The following HACE1 variants were observed in gnomAD, a reference collection of about 807,000 sequenced individuals.
The protein encoded by HACE1 is HECT domain and ankyrin repeat containing E3 ubiquitin protein ligase 1.
Under a neutral mutation model 118.4 loss-of-function variants are expected in HACE1, and 73 were observed. That is an observed-to-expected ratio of 0.62 (90% CI 0.51 to 0.75). HACE1 has a LOEUF of 0.75. Ranked by LOEUF, HACE1 falls within the 30% of genes least tolerant of loss-of-function variation. HACE1 has a pLI of 0.00. For missense variants in HACE1, 749 were observed against 1,102.2 expected, an observed-to-expected ratio of 0.68 and a Z score of 4.54; for synonymous variants, 368 against 374.8, an observed-to-expected ratio of 0.98 and a Z score of 0.21.
intron 1 of HACE1, among the ~76,000 whole-genome samples, chr6:104,854,637 C>T (rs1218427463): frequency 2.0e-5 from 3 of 150,672 alleles, no homozygotes; most frequent in South Asian, 4.2e-4. Flanking sequence ...ATTTTTGAGA[C>T]AATTTTTGAG....
chr6:104,831,991 GA>G (rs1774020438), intron 6 of HACE1, among the ~76,000 whole-genome samples: 1 of 44,080 alleles, frequency 2.3e-5, no homozygotes, highest in Non-Finnish European at 6.4e-5. Context: ...AGGAAGGAAG[GA>G]AGGAAGGAAG....
At chr6:104,838,330 A>G (rs997191673) in intron 5 of HACE1, among the ~76,000 whole-genome samples, 1 of 152,200 alleles carries the variant, frequency 6.6e-6, no homozygotes, top group East Asian at 1.9e-4. Context: ...ATAGTAACCA[A>G]AACAGCATGT....
At chr6:104,847,640 C>G (rs1052994059) in intron 4 of HACE1, among the ~76,000 whole-genome samples, 1 of 152,046 alleles carries the variant, frequency 6.6e-6, no homozygotes, top group African/African-American at 2.4e-5. Flanking sequence ...AAAAATTTGG[C>G]CTCGGATTGA....
intron 22 of HACE1, among the ~76,000 whole-genome samples, chr6:104,742,228 T>A (rs1484861575): frequency 7.4e-6 from 1 of 134,542 alleles, no homozygotes; most frequent in Non-Finnish European, 1.6e-5. Flanking sequence ...ACCTAGGCAT[T>A]ACCATTCAGG....
At chr6:104,781,689 G>A (rs1467288532) in intron 14 of HACE1, among the ~76,000 whole-genome samples, 1 of 151,940 alleles carries the variant, frequency 6.6e-6, no homozygotes, top group Non-Finnish European at 1.5e-5. Flanking sequence ...GCATCCCACT[G>A]AGGCTCCATC....
chr6:104,761,950 GCTC>G lies in HACE1; in HGVS notation c.2211+9240_2211+9242del, dbSNP rs1477644811. 1.4e-4 allele frequency among the ~76,000 whole-genome samples: 22 copies of G among 152,194 alleles called. No individual in the cohort carries two copies. In the South Asian group the frequency reaches 2.7e-3, roughly 19 times the overall value. ...GCACCCAACAGACACATGAAAAAAT[GCTC>G]ATCATCACTGGTCATTAGAGAAATG... On this transcript the variant is annotated intron_variant, in intron 19 of 23. Coordinates refer to ENST00000262903, the MANE Select transcript of HACE1 (RefSeq NM_020771.4).
intron 11 of HACE1, chr6:104,787,320 C>T (rs1335009000): frequency 6.6e-6 from 1 of 152,144 alleles, no homozygotes; most frequent in African/African-American, 2.4e-5. Flanking sequence ...ATACTCACAA[C>T]GGTTGACAGA....
chr6:104,839,105 T>A (rs191996211), intron 5 of HACE1, among the ~76,000 whole-genome samples: 93 of 152,124 alleles, frequency 6.1e-4, no homozygotes, highest in Non-Finnish European at 8.8e-4. Flanking sequence ...CAATAAGAAA[T>A]GCTGGCAAGG....
intron 4 of HACE1, among the ~76,000 whole-genome samples, chr6:104,847,772 C>T (rs12203954): frequency 0.44 from 66,660 of 151,734 alleles, 16,134 homozygotes; most frequent in East Asian, 0.58. Flanking sequence ...AAAGACACAA[C>T]GCATTTGTAT....
At chr6:104,838,967 G>C (rs1157141318) in intron 5 of HACE1, among the ~76,000 whole-genome samples, 1 of 133,920 alleles carries the variant, frequency 7.5e-6, no homozygotes, top group Non-Finnish European at 1.6e-5. Context: ...CTCAAAAGTA[G>C]ACATACAACT....
chr6:104,796,971 C>T lies in HACE1; in HGVS notation c.672G>A (p.Leu224=), dbSNP rs758865323. The stretch of plus-strand genomic sequence containing the variant: ...GAGGAGTTACTCCATTTTTATCTGG[C>T]AGATATTTGGCTCCTCGTAATAGTA... ...QILLLRGAKY[L]PDKNGVTPLD... is the part of the protein sequence containing the mutation. Residue 224 remains leucine, a synonymous_variant, in exon 8 of 24, where the codon CTG becomes CTA. Transcript: ENST00000262903. The T allele has an allele frequency of 6.2e-7, 1 of 1,604,826 alleles. No homozygotes were observed. The highest frequency in any genetic ancestry group is 8.5e-7 in the Non-Finnish European group (1 of 1,171,738).
intron 5 of HACE1, among the ~76,000 whole-genome samples, chr6:104,837,743 A>AT (rs1774688211): frequency 6.6e-6 from 1 of 152,202 alleles, no homozygotes; most frequent in South Asian, 2.1e-4. Flanking sequence ...AAAGAAAGAA[A>AT]TAACGGACAT....
At chr6:104,729,919 GA>G (rs1349365093) in intron 23 of HACE1, among the ~76,000 whole-genome samples, 155 bp from the exon 24 acceptor site, 13 of 152,068 alleles carry the variant, frequency 8.5e-5, no homozygotes, top group Admixed American at 3.3e-4. Flanking sequence ...TTAAAAAGAA[GA>G]AAAAATCTGC....
In HACE1 at chr6:104,729,765, CTT is replaced by C; in HGVS notation, c.2628-3_2628-2del. On this transcript the variant is annotated splice_acceptor_variant and splice_polypyrimidine_tract_variant and intron_variant, in intron 23 of 23. Transcript: ENST00000262903. LOFTEE classifies it high-confidence loss of function. ...TTCAGGTAACTTGAGCATGTTGATG[CTT>C]TAAAAGAAAAATATACCACCATTAA... is the stretch of plus-strand genomic sequence containing the variant. The C allele has an allele frequency of 7.4e-7, 1 of 1,352,542 alleles. No homozygotes were observed. Among genetic ancestry groups the C allele is most frequent in the Non-Finnish European group, 1.1e-6 (1 of 943,318 alleles). The allele number at this position is 1,352,542 out of a possible 1,614,324, so 83.8% of individuals were successfully genotyped here.
intron 6 of HACE1, among the ~76,000 whole-genome samples, chr6:104,816,220 C>T (rs1339982717): frequency 6.6e-6 from 1 of 152,212 alleles, no homozygotes; most frequent in African/African-American, 2.4e-5. Flanking sequence ...ATGTTAATAA[C>T]CAAGACAACA....
intron 1 of HACE1, among the ~76,000 whole-genome samples, chr6:104,855,167 G>T (rs920819218): frequency 2.0e-5 from 3 of 152,164 alleles, no homozygotes; most frequent in African/African-American, 7.2e-5. Flanking sequence ...TATCCTGGCT[G>T]GGTGCAGTGG....
At chr6:104,764,459 T>G (rs1336662154) in intron 19 of HACE1, among the ~76,000 whole-genome samples, 1 of 152,196 alleles carries the variant, frequency 6.6e-6, no homozygotes, top group African/African-American at 2.4e-5. Context: ...GGAGTCATTC[T>G]GCTGGATGGA....
intron 19 of HACE1, among the ~76,000 whole-genome samples, chr6:104,765,100 A>C (rs1779838863): frequency 6.6e-6 from 1 of 152,226 alleles, no homozygotes; most frequent in African/African-American, 2.4e-5. Context: ...CACATGGCTG[A>C]ATTAATGAAG....
intron 7 of HACE1, among the ~76,000 whole-genome samples, chr6:104,802,957 A>G (rs913126541): frequency 1.3e-5 from 2 of 152,218 alleles, no homozygotes; most frequent in African/African-American, 4.8e-5. Context: ...CAAAATGGCT[A>G]CACTGCTAGC....
Sources: allele counts gnomAD v4.1 joint callset (sites outside exome capture counted in the v4.1 genomes callset), GRCh38; gene constraint gnomAD v4.1.1; transcripts MANE v1.5; gene names NCBI Gene and HGNC (gene_info 2026-07-23, HGNC 2026-07-21).